The following CHST15 variants were observed in gnomAD, a reference collection of about 807,000 sequenced individuals.
The protein encoded by CHST15 is carbohydrate sulfotransferase 15.
A neutral mutation model predicts 53.6 loss-of-function variants in CHST15; 30 were observed. That is an observed-to-expected ratio of 0.56 (90% CI 0.42 to 0.76). CHST15 has a LOEUF of 0.76. Among genes scored for constraint, CHST15 ranks in the 30% least tolerant of loss-of-function variants. The pLI is 0.00. For synonymous variants in CHST15, 296 were observed against 289.8 expected (o/e 1.02, Z -0.22); for missense variants, 627 against 740.5 (o/e 0.85, Z 1.78).
intron 7 of CHST15, chr10:124,010,895 GAACC>G: frequency 1.0e-6 from 1 of 985,464 alleles, no homozygotes; most frequent in South Asian, 4.7e-5. Context: ...CCCACTGGCT[GAACC>G]TCCATCTGCA....
At chr10:124,091,346 G>C (rs1949594869) in intron 1 of CHST15, among the ~76,000 whole-genome samples, 1 of 152,198 alleles carries the variant, frequency 6.6e-6, no homozygotes, top group Non-Finnish European at 1.5e-5. Flanking sequence ...CCTGGGAGGA[G>C]AAGCAGGAAA....
chr10:124,073,727 G>A (rs796837335), intron 1 of CHST15, among the ~76,000 whole-genome samples: 3 of 152,310 alleles, frequency 2.0e-5, no homozygotes, highest in East Asian at 1.9e-4. Flanking sequence ...CCATGAAGGC[G>A]AATGTTCTCC....
At chr10:124,068,731 G>A in intron 1 of CHST15, among the ~76,000 whole-genome samples, 1 of 152,066 alleles carries the variant, frequency 6.6e-6, no homozygotes, top group East Asian at 1.9e-4. Flanking sequence ...TAAAAATTCT[G>A]CTTTCATCAC....
intron 6 of CHST15, chr10:124,020,149 T>C (rs577004789): frequency 8.6e-5 from 85 of 985,430 alleles, no homozygotes; most frequent in Non-Finnish European, 9.5e-5. Context: ...GCAGGGGACA[T>C]AGTGGCAAGA....
At chr10:124,032,282 T>C (rs548016930) in intron 5 of CHST15, among the ~76,000 whole-genome samples, 1 of 152,342 alleles carries the variant, frequency 6.6e-6, no homozygotes, top group East Asian at 1.9e-4. Context: ...GGACTCATCA[T>C]CACAGAATGG....
intron 2 of CHST15, among the ~76,000 whole-genome samples, chr10:124,045,127 A>AAAC (rs1554911452): frequency 0.012 from 1,532 of 125,140 alleles, 39 homozygotes; most frequent in African/African-American, 0.054. Flanking sequence ...AAAAAAAAAA[A>AAAC]AAAAAAAAAA....
chr10:124,017,245 G>C (rs1157517464), intron 6 of CHST15, among the ~76,000 whole-genome samples: 4 of 152,068 alleles, frequency 2.6e-5, no homozygotes, highest in Non-Finnish European at 4.4e-5. Flanking sequence ...CTTCCTCCTA[G>C]GAGTCCCCAG....
chr10:124,062,723 C>G (rs1251148096), intron 1 of CHST15, among the ~76,000 whole-genome samples: 3 of 152,052 alleles, frequency 2.0e-5, no homozygotes, highest in African/African-American at 7.2e-5. Context: ...CCAGCCGAGC[C>G]GGAATCAGTG....
intron 5 of CHST15, among the ~76,000 whole-genome samples, chr10:124,037,176 G>A (rs73367692): frequency 0.03 from 4,523 of 152,230 alleles, 226 homozygotes; most frequent in African/African-American, 0.096. Context: ...CATTTTAACC[G>A]GAGTGCATCT....
intron 1 of CHST15, among the ~76,000 whole-genome samples, chr10:124,078,721 G>A (rs997002188): frequency 1.3e-5 from 2 of 152,322 alleles, no homozygotes; most frequent in Non-Finnish European, 2.9e-5. Context: ...AAACAACAAT[G>A]CTAAAGCTTA....
chr10:124,062,942 A>G (rs1316495477), intron 1 of CHST15, among the ~76,000 whole-genome samples: 1 of 152,162 alleles, frequency 6.6e-6, no homozygotes, highest in Non-Finnish European at 1.5e-5. Context: ...CTAAAGCTGC[A>G]TGCAGACCAG....
chr10:124,086,406 C>T (rs1490363361), intron 1 of CHST15, among the ~76,000 whole-genome samples: 2 of 152,174 alleles, frequency 1.3e-5, no homozygotes, highest in Non-Finnish European at 2.9e-5. Flanking sequence ...GTTGTCTATA[C>T]GTGGTGGTTT....
At chr10:124,068,302 G>A (rs757149852) in intron 1 of CHST15, among the ~76,000 whole-genome samples, 2 of 152,130 alleles carry the variant, frequency 1.3e-5, no homozygotes, top group African/African-American at 2.4e-5. Flanking sequence ...GCCCACCTCA[G>A]TTCCTTATCT....
At position 124,019,095 on chromosome 10, in the gene CHST15, C is replaced by T. The variant is rs1460984019; in HGVS notation, c.1347+2161G>A. ...CGAGGCCTGCAGGATGGAAGAGCCA[C>T]CTGCACCAGGAAAGTGTAGATGTGG... On this transcript the variant is annotated intron_variant, in intron 6 of 7. Transcript: ENST00000435907. This position sits in a 1 kb window ranked among gnomAD's most constrained non-coding sequence, Gnocchi z 4.6. Among the ~76,000 whole-genome samples, 2 of 152,190 alleles carry T rather than the reference C, an allele frequency of 1.3e-5. No homozygotes were observed. The highest frequency in any genetic ancestry group is 2.4e-5 in the African/African-American group (1 of 41,442).
intron 5 of CHST15, among the ~76,000 whole-genome samples, chr10:124,037,206 C>T (rs1416803240): frequency 6.6e-6 from 1 of 152,178 alleles, no homozygotes; most frequent in East Asian, 1.9e-4. Flanking sequence ...GATCCTATTT[C>T]CAAATAAGGT....
At chr10:124,050,161 G>A (rs1420291103) in intron 1 of CHST15, among the ~76,000 whole-genome samples, 3 of 152,196 alleles carry the variant, frequency 2.0e-5, no homozygotes, top group Non-Finnish European at 4.4e-5. Context: ...GCAATCTGAA[G>A]ACCAGGTGAG....
intron 1 of CHST15, among the ~76,000 whole-genome samples, chr10:124,085,297 G>A (rs1270680313): frequency 1.3e-5 from 2 of 152,176 alleles, no homozygotes; most frequent in South Asian, 2.1e-4. Context: ...CTGAGTAGAC[G>A]GCTCCGCTTA....
At chr10:124,018,923 T>C (rs951169937) in intron 6 of CHST15, among the ~76,000 whole-genome samples, 2 of 152,172 alleles carry the variant, frequency 1.3e-5, no homozygotes, top group African/African-American at 4.8e-5. Context: ...CGTGGGTGGA[T>C]TGAATCAGGC....
chr10:124,093,290 C>A (rs1230326740), intron 1 of CHST15, among the ~76,000 whole-genome samples, 179 bp downstream of exon 1: 1 of 150,648 alleles, frequency 6.6e-6, no homozygotes, highest in African/African-American at 2.5e-5. Context: ...GGGAGCGCCG[C>A]GGGGAGTGAG....
Sources: gnomAD v4.1 joint callset for allele counts (sites outside exome capture counted in the v4.1 genomes callset) on GRCh38, gnomAD v4.1.1 for gene constraint, Gnocchi (gnomAD v3.1) non-coding constraint, MANE v1.5 for transcripts, NCBI Gene and HGNC (gene_info 2026-07-23, HGNC 2026-07-21) for gene names.